GIMAP1: variants seen among roughly 807,000 people sequenced by gnomAD.
The protein encoded by GIMAP1 is GTPase, IMAP family member 1, also known as GTPase IMAP family member 1.
For synonymous variants in GIMAP1, 230 were observed against 187.7 expected, an observed-to-expected ratio of 1.23 and a Z score of -1.84; for missense variants, 423 against 411.9, an observed-to-expected ratio of 1.03 and a Z score of -0.23.
Position 150,720,655 on chromosome 7 carries a change from C to T in GIMAP1, c.651C>T (p.Gly217=), listed in dbSNP as rs777018083. The T allele has an allele frequency of 3.1e-6, 5 of 1,608,578 alleles. No homozygotes were observed. The highest frequency in any genetic ancestry group is 1.1e-5 in the South Asian group (1 of 90,486). ...MVEGLVLEHK[G]AHYSNEVYEL... ...AGGGCTTGGTGCTGGAGCACAAGGG[C>T]GCCCATTACTCCAACGAGGTGTATG... The change falls in exon 3 of 3, where the codon GGC becomes GGT. Residue 217 remains glycine (G), a synonymous_variant. Coordinates refer to ENST00000307194, the MANE Select transcript of GIMAP1 (RefSeq NM_130759.4). The surrounding 1 kb of genome is among the most constrained non-coding windows in gnomAD (Gnocchi z 4.5).
intron 2 of GIMAP1, chr7:150,719,621 G>A (rs543030008): frequency 5.9e-6 from 1 of 169,724 alleles, no homozygotes; most frequent in Admixed American, 5.9e-5. Flanking sequence ...GCTTCCCCAA[G>A]GTTACACAAC....
intron 2 of GIMAP1, 49 bp from the exon 3 acceptor site, chr7:150,719,999 A>G (rs772062678): frequency 6.6e-7 from 1 of 1,504,776 alleles, no homozygotes; most frequent in Non-Finnish European, 8.9e-7. Context: ...CCAGTTCCCA[A>G]GGGGAAGTTG....
At position 150,720,407 on chromosome 7, in the gene GIMAP1, G is replaced by A; in HGVS notation, c.403G>A (p.Val135Met). The change falls in exon 3 of 3, where the codon GTG (valine) becomes ATG (methionine). Residue 135 changes from valine to methionine, a missense_variant. Transcript: ENST00000307194. The surrounding 1 kb of genome is among the most constrained non-coding windows in gnomAD (Gnocchi z 4.5). The stretch of plus-strand genomic sequence containing the variant: ...CCAGGACCAGCAGGCGGTGAGGCAG[G>A]TGAGGGACATGTTCGGGGAGGACGT... ...TAQDQQAVRQ[V>M]RDMFGEDVLK... is the part of the protein sequence containing the mutation. 1 of 1,587,640 alleles carries A rather than the reference G, an allele frequency of 6.3e-7. No homozygotes were observed. The highest frequency in any genetic ancestry group is 8.6e-7 in the Non-Finnish European group (1 of 1,164,792).
At chr7:150,717,780 G>A (rs1220200108) in intron 1 of GIMAP1, among the ~76,000 whole-genome samples, 2 of 152,062 alleles carry the variant, frequency 1.3e-5, no homozygotes, top group African/African-American at 2.4e-5. Context: ...ATTCCTACAT[G>A]CAAAATAATT....
intron 1 of GIMAP1, among the ~76,000 whole-genome samples, chr7:150,718,343 G>A (rs1309507025): frequency 3.3e-5 from 5 of 152,160 alleles, no homozygotes; most frequent in Admixed American, 1.3e-4. Flanking sequence ...CACAGATATC[G>A]TATTTAGACA....
intron 2 of GIMAP1, 81 bp from the exon 3 acceptor site, chr7:150,719,967 T>C: frequency 6.7e-7 from 1 of 1,487,192 alleles, no homozygotes; most frequent in Non-Finnish European, 8.9e-7. Context: ...TCTTAACCAC[T>C]TATGCTAAAG....
At chr7:150,719,820 A>C (rs944655505) in intron 2 of GIMAP1, among the ~76,000 whole-genome samples, 1 of 152,234 alleles carries the variant, frequency 6.6e-6, no homozygotes, top group African/African-American at 2.4e-5. Flanking sequence ...GAAATGTCAG[A>C]TGAACTATTG....
rs527275342 is a variant in GIMAP1, at chr7:150,723,942, G to A, written c.*3017G>A. On this transcript the variant is annotated 3_prime_UTR_variant, in exon 3 of 3. Coordinates refer to ENST00000307194, the MANE Select transcript of GIMAP1 (RefSeq NM_130759.4). The stretch of plus-strand genomic sequence containing the variant: ...TTCTACACAAAAAGACTTGTATCTG[G>A]CTTATTTCTGAAAGCTAGTGTTGGC... 2 of 152,198 alleles carry A rather than the reference G, an allele frequency of 1.3e-5. No homozygotes were observed. Among genetic ancestry groups the A allele is most frequent in the Non-Finnish European group, 2.9e-5 (2 of 68,024 alleles). The allele number at this position is 152,198 out of a possible 1,614,324, so 9.4% of individuals were successfully genotyped here.
At chr7:150,717,273 T>C (rs1797231087) in intron 1 of GIMAP1, among the ~76,000 whole-genome samples, 1 of 152,054 alleles carries the variant, frequency 6.6e-6, no homozygotes, top group Admixed American at 6.6e-5. Context: ...CACCTCAAAT[T>C]CCCATCTGTA....
At chr7:150,717,995 A>G (rs1484131156) in intron 1 of GIMAP1, among the ~76,000 whole-genome samples, 2 of 152,154 alleles carry the variant, frequency 1.3e-5, no homozygotes, top group Non-Finnish European at 2.9e-5. Flanking sequence ...CAGGTATCCA[A>G]GTGACCAGGG....
In GIMAP1 at chr7:150,723,332, T is replaced by A. The variant is rs1797334575; in HGVS notation, c.*2407T>A. 1 of 152,212 alleles carries A rather than the reference T, an allele frequency of 6.6e-6. No individual in the cohort carries two copies. Among genetic ancestry groups the A allele is most frequent in the Admixed American group, 6.5e-5 (1 of 15,274 alleles). 9.4% of individuals were successfully genotyped at this position (152,212 alleles called of 1,614,324 possible). ...AGTTGACTTTCCTGTACCTTTTTAA[T>A]ATTAGATTTCTAGCTACCAGACTTT... On this transcript the variant is annotated 3_prime_UTR_variant, in exon 3 of 3. Transcript: ENST00000307194.
rs61748272 is a variant in GIMAP1, at chr7:150,720,269, T to C, written c.265T>C (p.Ser89Pro). 1,828 of 1,614,056 alleles carry C rather than the reference T, an allele frequency of 1.1e-3. 19 individuals carry two copies. The African/African-American group carries it at 0.022, about 20-fold the overall frequency. Residue 89 changes from serine (S) to proline (P), a missense_variant, in exon 3 of 3, where the codon TCC becomes CCC. Physicochemically the swap from Ser to Pro is moderately conservative, Grantham distance 74. Coordinates refer to ENST00000307194, the MANE Select transcript of GIMAP1 (RefSeq NM_130759.4). The surrounding 1 kb of genome is among the most constrained non-coding windows in gnomAD (Gnocchi z 4.5). ...CGTGGACACTCCGGACATTTTCAGC[T>C]CCCAAGTGTCCAAGACAGATCCTGG... is the stretch of plus-strand genomic sequence containing the variant. ...EVVDTPDIFSSQVSKTDPGCE... is the reference protein window; with the variant it reads ...EVVDTPDIFSPQVSKTDPGCE...
chr7:150,720,385 G>C lies in GIMAP1; in HGVS notation c.381G>C (p.Gln127His), dbSNP rs1448276904. ...LVTQLGRFTA[Q>H]DQQAVRQVRD... ...CCCAGTTGGGTCGGTTCACCGCCCA[G>C]GACCAGCAGGCGGTGAGGCAGGTGA... Residue 127 changes from glutamine to histidine, a missense_variant, in exon 3 of 3, where the codon CAG (glutamine) becomes CAC (histidine). Coordinates refer to ENST00000307194, the MANE Select transcript of GIMAP1 (RefSeq NM_130759.4). The surrounding 1 kb of genome is among the most constrained non-coding windows in gnomAD (Gnocchi z 4.5). 6.3e-7 allele frequency: 1 copy of C among 1,598,170 alleles called. No individual in the cohort carries two copies. Among genetic ancestry groups the C allele is most frequent in the African/African-American group, 1.3e-5 (1 of 74,662 alleles).
At chr7:150,719,116 A>G (rs1435490427) in intron 2 of GIMAP1, 26 bp downstream of exon 2, 3 of 1,613,902 alleles carry the variant, frequency 1.9e-6, no homozygotes, top group Non-Finnish European at 2.5e-6. Context: ...TACACCTCAT[A>G]CTTGCCCCCC....
Position 150,720,769 on chromosome 7 carries a change from A to G in GIMAP1, c.765A>G (p.Pro255=). Residue 255 remains proline (P), a synonymous_variant, in exon 3 of 3, where the codon CCA becomes CCG. Coordinates refer to ENST00000307194, the MANE Select transcript of GIMAP1 (RefSeq NM_130759.4). This position sits in a 1 kb window ranked among gnomAD's most constrained non-coding sequence, Gnocchi z 4.5. The part of the protein sequence containing the change: ...ERVAARVQRR[P]WGAWLSARLW... ...TGGCAGCCAGGGTGCAGAGGAGGCC[A>G]TGGGGCGCCTGGCTGTCGGCCCGGC... The G allele has an allele frequency of 6.4e-7, 1 of 1,572,536 alleles. No homozygotes were observed. The highest frequency in any genetic ancestry group is 8.6e-7 in the Non-Finnish European group (1 of 1,159,698).
chr7:150,720,333 C>G lies in GIMAP1; in HGVS notation c.329C>G (p.Pro110Arg). 6.2e-7 allele frequency: 1 copy of G among 1,613,720 alleles called. No individual in the cohort carries two copies. The highest frequency in any genetic ancestry group is 1.6e-4 in the Middle Eastern group (1 of 6,062). ...GGTCACTGCTACCTGCTCTCGGCCCCCGGACCCCACGCGCTGCTCCTGGTG... is the reference window on the plus strand; with the variant it reads ...GGTCACTGCTACCTGCTCTCGGCCCGCGGACCCCACGCGCTGCTCCTGGTG... The part of the protein sequence containing the change: ...ERGHCYLLSA[P>R]GPHALLLVTQ... Residue 110 changes from proline to arginine, a missense_variant, in exon 3 of 3, where the codon CCC becomes CGC. By Grantham distance (103) the Pro-to-Arg change is moderately radical. Transcript: ENST00000307194. The surrounding 1 kb of genome is among the most constrained non-coding windows in gnomAD (Gnocchi z 4.5).
intron 1 of GIMAP1, among the ~76,000 whole-genome samples, chr7:150,718,468 C>T (rs1177469567): frequency 6.6e-6 from 1 of 152,146 alleles, no homozygotes; most frequent in Non-Finnish European, 1.5e-5. Flanking sequence ...CTTCTTTCTT[C>T]CCAGGTCAGC....
chr7:150,718,626 T>C (rs1015845369), intron 1 of GIMAP1, among the ~76,000 whole-genome samples: 4 of 152,204 alleles, frequency 2.6e-5, no homozygotes, highest in African/African-American at 9.7e-5. Flanking sequence ...CTAAAGCCCA[T>C]TGGCATTGAG....
chr7:150,717,096 C>T (rs1048399988), intron 1 of GIMAP1, among the ~76,000 whole-genome samples: 5 of 152,142 alleles, frequency 3.3e-5, no homozygotes, highest in African/African-American at 9.7e-5. Context: ...GAGTGAGTTA[C>T]GACGTGACAA....
Sources: gnomAD v4.1 joint callset for allele counts (sites outside exome capture counted in the v4.1 genomes callset) on GRCh38, gnomAD v4.1.1 for gene constraint, Gnocchi (gnomAD v3.1) non-coding constraint, MANE v1.5 for transcripts, NCBI Gene and HGNC (gene_info 2026-07-23, HGNC 2026-07-21) for gene names.